TPST1: variants seen among roughly 807,000 people sequenced by gnomAD.
TPST1 encodes the protein tyrosylprotein sulfotransferase 1, also known as protein-tyrosine sulfotransferase 1.
TPST1 carries 20 observed loss-of-function variants against 34.8 expected under a neutral mutation model. The ratio of observed to expected loss-of-function variants is 0.57; its 90% confidence interval spans 0.40 to 0.84. The LOEUF is 0.84. TPST1 is among the 40% of genes least tolerant of loss of function. The probability of loss-of-function intolerance (pLI) is 0.00; values close to 1 mark genes in which losing one functional copy is unlikely to be tolerated. For synonymous variants in TPST1, 152 were observed against 159.4 expected (o/e 0.95, Z 0.35); for missense variants, 353 against 455.5 (o/e 0.78, Z 2.05).
chr7:66,229,020 TTA>T (rs1789721837), intron 1 of TPST1, among the ~76,000 whole-genome samples: 1 of 152,238 alleles, frequency 6.6e-6, no homozygotes, highest in Non-Finnish European at 1.5e-5. Context: ...ATCATCCCAG[TTA>T]TATCCCTTTA....
At chr7:66,306,010 C>T (rs1791415431) in intron 3 of TPST1, among the ~76,000 whole-genome samples, 1 of 152,092 alleles carries the variant, frequency 6.6e-6, no homozygotes. Context: ...TTAGTGATTC[C>T]CTCCACCTGA....
At chr7:66,313,243 G>A (rs1791567446) in intron 3 of TPST1, among the ~76,000 whole-genome samples, 1 of 151,904 alleles carries the variant, frequency 6.6e-6, no homozygotes, top group African/African-American at 2.4e-5. Flanking sequence ...GTGAAACCCT[G>A]AATCTACTGA....
intron 3 of TPST1, among the ~76,000 whole-genome samples, chr7:66,324,638 C>T (rs1409512870): frequency 6.6e-6 from 1 of 151,642 alleles, no homozygotes; most frequent in South Asian, 2.1e-4. Context: ...GAAACTTTGT[C>T]TCTACTAAAA....
intron 1 of TPST1, among the ~76,000 whole-genome samples, chr7:66,215,653 G>A (rs1298014110): frequency 4.0e-5 from 6 of 151,412 alleles, no homozygotes; most frequent in Admixed American, 1.3e-4. Flanking sequence ...GATTACAGGC[G>A]TGAGCCACCG....
intron 2 of TPST1, among the ~76,000 whole-genome samples, chr7:66,284,551 C>CTTT (rs5884585): frequency 5.2e-5 from 4 of 77,052 alleles, no homozygotes; most frequent in African/African-American, 1.1e-4. Flanking sequence ...ACTGTCTTAG[C>CTTT]TTTTTTTTTT....
intron 1 of TPST1, among the ~76,000 whole-genome samples, chr7:66,223,510 A>C (rs1318482496): frequency 6.6e-6 from 1 of 151,760 alleles, no homozygotes; most frequent in Non-Finnish European, 1.5e-5. Flanking sequence ...AAAATGGCAT[A>C]AACTTGAGTT....
At chr7:66,273,805 AT>A (rs1022621850) in intron 2 of TPST1, among the ~76,000 whole-genome samples, 36 of 92,454 alleles carry the variant, frequency 3.9e-4, no homozygotes, top group South Asian at 8.8e-4. Context: ...AAAAAAAAAA[AT>A]TTTTTTTTTC....
intron 2 of TPST1, among the ~76,000 whole-genome samples, chr7:66,263,148 T>C (rs1790521789): frequency 1.3e-5 from 2 of 151,972 alleles, no homozygotes; most frequent in South Asian, 4.2e-4. Context: ...TAAAATATTA[T>C]CCTTGTTAAA....
At chr7:66,302,797 T>C (rs906264710) in intron 3 of TPST1, among the ~76,000 whole-genome samples, 1 of 152,210 alleles carries the variant, frequency 6.6e-6, no homozygotes, top group African/African-American at 2.4e-5. Flanking sequence ...TCTGGTGTTT[T>C]CTTGTTTTGA....
intron 3 of TPST1, among the ~76,000 whole-genome samples, chr7:66,325,156 A>G (rs1458646219): frequency 5.3e-5 from 8 of 152,208 alleles, no homozygotes; most frequent in African/African-American, 1.9e-4. Context: ...TTCACAAGTC[A>G]CAAAGGAGAA....
At chr7:66,256,539 T>G (rs1256122256) in intron 2 of TPST1, among the ~76,000 whole-genome samples, 1 of 152,210 alleles carries the variant, frequency 6.6e-6, no homozygotes, top group Non-Finnish European at 1.5e-5. Context: ...CTTAGTTTCT[T>G]GCTGTGTGTT....
chr7:66,268,975 C>A (rs551907474), intron 2 of TPST1, among the ~76,000 whole-genome samples: 1 of 152,198 alleles, frequency 6.6e-6, no homozygotes, highest in South Asian at 2.1e-4. Flanking sequence ...TGAGCCACCA[C>A]GCCCGGCCTA....
chr7:66,303,814 T>C (rs1412840512), intron 3 of TPST1, among the ~76,000 whole-genome samples: 1 of 152,182 alleles, frequency 6.6e-6, no homozygotes, highest in African/African-American at 2.4e-5. Context: ...GACAATTACT[T>C]GATGCTCAAT....
intron 1 of TPST1, among the ~76,000 whole-genome samples, chr7:66,222,032 T>C (rs1388667747): frequency 6.6e-6 from 1 of 152,160 alleles, no homozygotes; most frequent in Non-Finnish European, 1.5e-5. Flanking sequence ...TCAGATGACT[T>C]TATAGGTATT....
intron 2 of TPST1, among the ~76,000 whole-genome samples, chr7:66,246,910 G>T (rs990390354): frequency 6.6e-6 from 1 of 152,176 alleles, no homozygotes; most frequent in Non-Finnish European, 1.5e-5. Context: ...CATAACTGGG[G>T]TTCCTTTTAC....
intron 2 of TPST1, among the ~76,000 whole-genome samples, chr7:66,265,770 C>T (rs1466407764): frequency 3.9e-5 from 6 of 152,140 alleles, no homozygotes; most frequent in Non-Finnish European, 5.9e-5. Flanking sequence ...TCATCATGTA[C>T]AGGGTAACCT....
intron 1 of TPST1, among the ~76,000 whole-genome samples, chr7:66,233,780 T>A (rs1362323197): frequency 6.6e-6 from 1 of 152,216 alleles, no homozygotes; most frequent in Non-Finnish European, 1.5e-5. Flanking sequence ...CTACAAGATT[T>A]GTGATCTGAC....
intron 1 of TPST1, among the ~76,000 whole-genome samples, chr7:66,217,360 T>C (rs1789444930): frequency 6.6e-6 from 1 of 152,198 alleles, no homozygotes; most frequent in Non-Finnish European, 1.5e-5. Context: ...TCATGTATTT[T>C]AGGGCTCTGT....
chr7:66,266,509 C>T (rs1562821666), intron 2 of TPST1, among the ~76,000 whole-genome samples: 2 of 152,224 alleles, frequency 1.3e-5, no homozygotes, highest in Non-Finnish European at 2.9e-5. Context: ...TACAAATCCA[C>T]TCCTACATAT....
Sources: gnomAD v4.1 joint callset for allele counts (sites outside exome capture counted in the v4.1 genomes callset) on GRCh38, gnomAD v4.1.1 for gene constraint, MANE v1.5 for transcripts, NCBI Gene and HGNC (gene_info 2026-07-23, HGNC 2026-07-21) for gene names.